Variants in PRH1 observed in about 807,000 individuals in gnomAD.
PRH1 encodes proline rich protein HaeIII subfamily 1.
In PRH1, 7 loss-of-function variants were observed where a neutral mutation model predicts 7.9. The observed-to-expected ratio is 0.89, with a 90% CI of 0.50 to 1.67. The LOEUF (loss-of-function observed/expected upper bound fraction) is 1.67, where lower values mean the gene tolerates loss of function less well. PRH1 is among the 40% of genes most tolerant of loss of function. The pLI, the probability that PRH1 is intolerant of heterozygous loss-of-function variation, is 0.00. For synonymous variants in PRH1, 45 were observed against 80.8 expected, an observed-to-expected ratio of 0.56 and a Z score of 2.38; for missense variants, 109 against 223.6, an observed-to-expected ratio of 0.49 and a Z score of 3.27.
At chr12:10,975,069 T>C (rs1939021686) in intron 1 of PRH1, among the ~76,000 whole-genome samples, 1 of 152,132 alleles carries the variant, frequency 6.6e-6, no homozygotes, top group South Asian at 2.1e-4. Flanking sequence ...CAAACTGATC[T>C]GACTGAACTA....
chr12:11,009,638 T>C (rs978532291), intron 1 of PRH1, among the ~76,000 whole-genome samples: 11 of 151,902 alleles, frequency 7.2e-5, no homozygotes, highest in African/African-American at 2.7e-4. Context: ...TCTGGTCAGA[T>C]AATAGAATAA....
rs188242773 is a variant in PRH1, at chr12:10,906,242, C to T, written c.-58-21967G>A. Among the ~76,000 whole-genome samples, 20 of 152,242 alleles carry T rather than the reference C, an allele frequency of 1.3e-4. 1 individual carries two copies. The highest frequency in any genetic ancestry group is 4.1e-4 in the African/African-American group (17 of 41,542). ...AGAAAATGAAATTAGGCTTTCTGTC[C>T]TTATACTCAAGGATAACTGTGCCTT... On this transcript the variant is annotated intron_variant, in intron 2 of 3. Transcript: ENST00000539853.
intron 1 of PRH1, among the ~76,000 whole-genome samples, chr12:11,073,591 T>G (rs1422134631): frequency 9.9e-5 from 15 of 152,006 alleles, no homozygotes; most frequent in African/African-American, 3.6e-4. Context: ...CCTTTTTAAA[T>G]CCCTGTTCAG....
At chr12:11,135,884 C>A (rs1450756220) in intron 1 of PRH1, among the ~76,000 whole-genome samples, 1 of 151,980 alleles carries the variant, frequency 6.6e-6, no homozygotes, top group Non-Finnish European at 1.5e-5. Flanking sequence ...TATAATGAGA[C>A]GAGTAATAAT....
At chr12:11,116,167 A>G (rs746149371), downstream of PRH1, among the ~76,000 whole-genome samples, 8 of 152,072 alleles carry the variant, frequency 5.3e-5, no homozygotes, top group Admixed American at 2.0e-4. Context: ...CAAGAAAAAA[A>G]GATCAAAATT....
At chr12:11,086,988 T>C (rs1190518170) in intron 1 of PRH1, among the ~76,000 whole-genome samples, 2 of 117,278 alleles carry the variant, frequency 1.7e-5, no homozygotes, top group African/African-American at 5.7e-5. Flanking sequence ...GTTAATATAC[T>C]ATTTGTATTA....
At chr12:10,914,549 T>C (rs751903051) in intron 2 of PRH1, among the ~76,000 whole-genome samples, 10 of 152,150 alleles carry the variant, frequency 6.6e-5, no homozygotes, top group Non-Finnish European at 1.3e-4. Flanking sequence ...TTGTGTAGGG[T>C]TGCAGTGGCC....
Position 10,929,275 on chromosome 12 carries a change from T to C in PRH1, c.-59+44380A>G, listed in dbSNP as rs762017595. 33 of 1,614,082 alleles carry C rather than the reference T, an allele frequency of 2.0e-5. No individual in the cohort carries two copies. The Middle Eastern group carries it at 1.2e-3, about 56-fold the overall frequency. ...AGTGACACCAGAGCCTTCTGCAAGA[T>C]GCTTCTGATTCTGCTGTCAGTGGCC... On this transcript the variant is annotated intron_variant, in intron 2 of 3. Transcript: ENST00000539853.
At chr12:10,885,798 G>T (rs1949483454), upstream of PRH1, among the ~76,000 whole-genome samples, 1 of 152,228 alleles carries the variant, frequency 6.6e-6, no homozygotes, top group Admixed American at 6.5e-5. Flanking sequence ...CTTGGTTGGA[G>T]GCATGGCTGA....
chr12:10,982,451 T>G (rs1368200245), intron 1 of PRH1, among the ~76,000 whole-genome samples: 1 of 152,232 alleles, frequency 6.6e-6, no homozygotes, highest in African/African-American at 2.4e-5. Context: ...CTGAGCAGAA[T>G]GTGGTTTCCA....
chr12:11,083,255 T>C (rs74514913), intron 1 of PRH1, among the ~76,000 whole-genome samples: 30,476 of 64,668 alleles, frequency 0.47, 8,947 homozygotes, highest in Non-Finnish European at 0.63. Context: ...AAAAGGTGTC[T>C]AGCAAAATAC....
chr12:10,982,672 C>T (rs981044354), intron 1 of PRH1, among the ~76,000 whole-genome samples: 5 of 151,184 alleles, frequency 3.3e-5, no homozygotes, highest in African/African-American at 4.8e-5. Context: ...TAAAGTGGTA[C>T]CCATAAGCAG....
At chr12:11,121,720 T>C (rs1307006405) in intron 1 of PRH1, among the ~76,000 whole-genome samples, 1 of 140,080 alleles carries the variant, frequency 7.1e-6, no homozygotes, top group Non-Finnish European at 1.6e-5. Context: ...CTACGTATGT[T>C]TGTCACTCAA....
At chr12:11,070,948 C>T (rs1361165453) in intron 1 of PRH1, among the ~76,000 whole-genome samples, 1 of 151,720 alleles carries the variant, frequency 6.6e-6, no homozygotes, top group Non-Finnish European at 1.5e-5. Context: ...AACAGATTGC[C>T]CCATTTTTTT....
At chr12:11,060,699 A>T (rs79000856) in intron 1 of PRH1, among the ~76,000 whole-genome samples, 2,356 of 140,548 alleles carry the variant, frequency 0.017, 18 homozygotes, top group Middle Eastern at 0.035. Flanking sequence ...TATTCCTCAG[A>T]ACTGTTTATG....
At chr12:11,101,744 TA>T (rs768784554) in intron 1 of PRH1, among the ~76,000 whole-genome samples, 10 of 152,184 alleles carry the variant, frequency 6.6e-5, no homozygotes, top group Non-Finnish European at 1.2e-4. Context: ...AAATTGATGT[TA>T]CCATACCTTG....
At chr12:11,127,847 C>T (rs528611453) in intron 1 of PRH1, among the ~76,000 whole-genome samples, 2 of 130,374 alleles carry the variant, frequency 1.5e-5, no homozygotes, top group East Asian at 4.7e-4. Flanking sequence ...TGGCTCACGC[C>T]TGTAATCCCA....
intron 2 of PRH1, chr12:10,938,519 A>T (rs1950330535): frequency 6.2e-7 from 1 of 1,613,890 alleles, no homozygotes; most frequent in African/African-American, 1.3e-5. Flanking sequence ...CACACTTTTA[A>T]CTCCTCTGTG....
At chr12:11,110,856 C>T (rs529317731) in intron 1 of PRH1, among the ~76,000 whole-genome samples, 57 of 152,074 alleles carry the variant, frequency 3.7e-4, no homozygotes, top group Non-Finnish European at 5.9e-4. Context: ...AGGCACAGAC[C>T]AGCAAATTGA....
Sources: gnomAD v4.1 joint callset for allele counts (sites outside exome capture counted in the v4.1 genomes callset) on GRCh38, gnomAD v4.1.1 for gene constraint, MANE v1.5 for transcripts, NCBI Gene and HGNC (gene_info 2026-07-23, HGNC 2026-07-21) for gene names.